The following VASH2 variants were observed in gnomAD, a reference collection of about 807,000 sequenced individuals.
VASH2 encodes vasohibin 2.
In VASH2, 28 loss-of-function variants were observed where a neutral mutation model predicts 37.2. The observed-to-expected ratio is 0.75, with a 90% CI of 0.56 to 1.03. The LOEUF (loss-of-function observed/expected upper bound fraction) is 1.03, where lower values mean the gene tolerates loss of function less well. Ranked by LOEUF, VASH2 falls within the 50% of genes least tolerant of loss-of-function variation. The pLI is 0.00. For missense variants in VASH2, 419 were observed against 459.1 expected, an observed-to-expected ratio of 0.91 and a Z score of 0.80; for synonymous variants, 188 against 174.7, an observed-to-expected ratio of 1.08 and a Z score of -0.60.
chr1:212,967,466 G>A (rs1666885966), intron 5 of VASH2: 2 of 1,162,500 alleles, frequency 1.7e-6, no homozygotes, highest in Non-Finnish European at 2.2e-6. Flanking sequence ...TGCAAGACAG[G>A]AGCTTGAGAG....
chr1:212,964,329 CCT>C (rs1009407442), intron 3 of VASH2, among the ~76,000 whole-genome samples: 99 of 152,354 alleles, frequency 6.5e-4, no homozygotes, highest in African/African-American at 2.3e-3. Flanking sequence ...GCTAGGCGCC[CCT>C]GTCACTGTGG....
intron 5 of VASH2, chr1:212,967,058 T>A: frequency 3.1e-6 from 4 of 1,293,900 alleles, no homozygotes; most frequent in Non-Finnish European, 3.1e-6. Context: ...CAGGGAAAAT[T>A]CTAAGAGTGG....
chr1:212,973,534 GA>G lies in VASH2; in HGVS notation c.880-420del, dbSNP rs1667074088. 9 of 1,289,074 alleles carry G rather than the reference GA, an allele frequency of 7.0e-6. No homozygotes were observed. In the Admixed American group the frequency reaches 2.1e-4, roughly 30 times the overall value. The allele number at this position is 1,289,074 out of a possible 1,614,324, so 79.9% of individuals were successfully genotyped here. A position where few individuals can be genotyped will look rare whatever the true frequency, so the allele number is the denominator to read the frequency against. On this transcript the variant is annotated intron_variant, in intron 6 of 7. Transcript: ENST00000517399. Reference sequence around the variant, plus strand: ...TGCAGGACCTGGAGTGGAGATTCCTGATCAATTAAAACCATTCTGTCATATG... The same window carrying G: ...TGCAGGACCTGGAGTGGAGATTCCTGTCAATTAAAACCATTCTGTCATATG...
intron 5 of VASH2, 137 bp downstream of exon 5, chr1:212,966,482 G>A (rs1184026130): frequency 1.4e-6 from 1 of 723,330 alleles, no homozygotes; most frequent in Non-Finnish European, 2.3e-6. Flanking sequence ...AACTCCTCTG[G>A]TTCATCTCTT....
chr1:212,978,699 C>T (rs560838696), intron 7 of VASH2, among the ~76,000 whole-genome samples: 7 of 152,322 alleles, frequency 4.6e-5, no homozygotes, highest in East Asian at 1.9e-4. Flanking sequence ...AGAGTCTTTG[C>T]GGTTTTTTTT....
intron 3 of VASH2, among the ~76,000 whole-genome samples, chr1:212,963,921 T>C (rs978040010): frequency 1.6e-4 from 24 of 152,054 alleles, no homozygotes; most frequent in African/African-American, 5.3e-4. Flanking sequence ...ATAAAATTTT[T>C]GGTGAGGTAA....
Position 212,991,225 on chromosome 1 carries a change from T to C in VASH2, c.*2641T>C, listed in dbSNP as rs1424927516. 6.6e-6 allele frequency: 1 copy of C among 152,242 alleles called. No homozygotes were observed. The highest frequency in any genetic ancestry group is 2.4e-5 in the African/African-American group (1 of 41,466). 9.4% of individuals were successfully genotyped at this position (152,242 alleles called of 1,614,324 possible). ...TTTCACTTTTTCTAAGTCAATTATT[T>C]CATAAGGATTTTATTAATAGATATT... On this transcript the variant is annotated 3_prime_UTR_variant, in exon 8 of 8. Coordinates refer to ENST00000517399, the MANE Select transcript of VASH2 (RefSeq NM_001301056.2).
rs146826702 is a variant in VASH2, at chr1:212,967,035, G to A, written c.497+690G>A. 7,086 of 1,194,332 alleles carry A rather than the reference G, an allele frequency of 5.9e-3. 43 individuals carry two copies. Among genetic ancestry groups the A allele is most frequent in the Non-Finnish European group, 7.4e-3 (6,543 of 889,274 alleles). The allele number at this position is 1,194,332 out of a possible 1,614,324, so 74.0% of individuals were successfully genotyped here. A position where few individuals can be genotyped will look rare whatever the true frequency, so the allele number is the denominator to read the frequency against. ...GTTGAGATTAGAGGCAGGAGCCATC[G>A]CGCCTGGCTCGCCAGGGAAAATTCT... On this transcript the variant is annotated intron_variant, in intron 5 of 7. Transcript: ENST00000517399.
intron 2 of VASH2, among the ~76,000 whole-genome samples, chr1:212,959,659 CG>C: frequency 6.6e-6 from 1 of 152,310 alleles, no homozygotes; most frequent in East Asian, 1.9e-4. Flanking sequence ...GATGCCCAGG[CG>C]GGGGGCAGCG....
chr1:212,972,962 G>A lies in VASH2; in HGVS notation c.879+1G>A, dbSNP rs1320962739. On this transcript the variant is annotated splice_donor_variant, in intron 6 of 7. Transcript: ENST00000517399. LOFTEE classifies it high-confidence loss of function. The stretch of plus-strand genomic sequence containing the variant: ...ATATGCCAGGGACATGAGAATGAAG[G>A]TGGGTGCTGGGAAGACAAGGAAGCC... 6.2e-7 allele frequency: 1 copy of A among 1,609,296 alleles called. No homozygotes were observed. Among genetic ancestry groups the A allele is most frequent in the East Asian group, 2.2e-5 (1 of 44,882 alleles).
intron 5 of VASH2, among the ~76,000 whole-genome samples, 168 bp from the exon 6 acceptor site, chr1:212,972,412 A>G (rs1449757082): frequency 1.3e-5 from 2 of 152,266 alleles, no homozygotes; most frequent in African/African-American, 4.8e-5. Flanking sequence ...ATAGTCAAAC[A>G]TAACAAGCGA....
In VASH2 at chr1:212,954,639, C is replaced by T. The variant is rs148080476; in HGVS notation, c.276+2821C>T. ...TTCACCATATTGGTCAGGCTGGTCTCGAACTCATGACCTCATGATCTGCCC... is the reference window on the plus strand; with the variant it reads ...TTCACCATATTGGTCAGGCTGGTCTTGAACTCATGACCTCATGATCTGCCC... On this transcript the variant is annotated intron_variant, in intron 2 of 7. Transcript: ENST00000517399. 4.8e-3 allele frequency among the ~76,000 whole-genome samples: 728 copies of T among 152,164 alleles called. 3 individuals carry two copies. The highest frequency in any genetic ancestry group is 0.016 in the African/African-American group (677 of 41,506).
chr1:212,953,545 T>A (rs1280294954), intron 2 of VASH2, among the ~76,000 whole-genome samples: 1 of 152,154 alleles, frequency 6.6e-6, no homozygotes, highest in Non-Finnish European at 1.5e-5. Flanking sequence ...CACCCTTGAA[T>A]GTTATGAGAG....
intron 2 of VASH2, among the ~76,000 whole-genome samples, chr1:212,954,995 C>T (rs1049531391): frequency 1.3e-5 from 2 of 152,184 alleles, no homozygotes; most frequent in African/African-American, 2.4e-5. Context: ...CAAAAGCTCC[C>T]TTTTCCAGGG....
chr1:212,968,629 G>A, intron 5 of VASH2: 2 of 985,540 alleles, frequency 2.0e-6, no homozygotes, highest in Non-Finnish European at 2.4e-6. Flanking sequence ...TTCCCACAAA[G>A]GAGATGAAAC....
intron 3 of VASH2, among the ~76,000 whole-genome samples, chr1:212,963,021 G>T (rs78602021): frequency 0.019 from 2,864 of 151,470 alleles, 44 homozygotes; most frequent in East Asian, 0.04. Context: ...AGGCTTTAAG[G>T]TTCCCCACTT....
At chr1:212,988,461 T>C in intron 7 of VASH2, 51 bp from the exon 8 acceptor site, 1 of 1,589,918 alleles carries the variant, frequency 6.3e-7, no homozygotes, top group South Asian at 1.1e-5. Context: ...GCTGTTGTCT[T>C]TCTTTGCCCC....
intron 6 of VASH2, chr1:212,973,329 G>T: frequency 8.2e-7 from 1 of 1,221,918 alleles, no homozygotes; most frequent in Non-Finnish European, 1.1e-6. Flanking sequence ...AACCTTATAT[G>T]CTGGCCTTAT....
At chr1:212,953,966 G>A (rs1666404836) in intron 2 of VASH2, among the ~76,000 whole-genome samples, 1 of 151,950 alleles carries the variant, frequency 6.6e-6, no homozygotes, top group South Asian at 2.1e-4. Flanking sequence ...CTGGAGTGCA[G>A]TGTGTGATCA....
Sources: gnomAD v4.1 joint callset for allele counts (sites outside exome capture counted in the v4.1 genomes callset) on GRCh38, gnomAD v4.1.1 for gene constraint, MANE v1.5 for transcripts, NCBI Gene and HGNC (gene_info 2026-07-23, HGNC 2026-07-21) for gene names.